PLEKHM1: variants seen among roughly 807,000 people sequenced by gnomAD.
PLEKHM1 encodes pleckstrin homology domain-containing family M member 1.
In PLEKHM1, 28 loss-of-function variants were observed where a neutral mutation model predicts 94.3. The ratio of observed to expected loss-of-function variants is 0.30; its 90% CI spans 0.22 to 0.41. PLEKHM1 has a LOEUF of 0.41. Among genes scored for constraint, PLEKHM1 ranks in the 10% least tolerant of loss-of-function variants. PLEKHM1 has a pLI of 1.00. For missense variants in PLEKHM1, 907 were observed against 1,358.6 expected (o/e 0.67, Z 5.22); for synonymous variants, 424 against 581.2 (o/e 0.73, Z 3.89).
At chr17:45,462,675 C>T (rs1047242799) in intron 5 of PLEKHM1, among the ~76,000 whole-genome samples, 1 of 152,100 alleles carries the variant, frequency 6.6e-6, no homozygotes, top group Non-Finnish European at 1.5e-5. Flanking sequence ...AGTGCCTGCC[C>T]GAGTCATACA....
chr17:45,481,885 GC>G (rs1171421818), intron 2 of PLEKHM1, among the ~76,000 whole-genome samples: 1 of 152,156 alleles, frequency 6.6e-6, no homozygotes, highest in African/African-American at 2.4e-5. Context: ...TAAGGGACCA[GC>G]CCCAAAGCTA....
chr17:45,458,148 G>A (rs771326392), intron 6 of PLEKHM1, 21 bp downstream of exon 6: 24 of 1,610,774 alleles, frequency 1.5e-5, no homozygotes, highest in East Asian at 6.7e-5. Flanking sequence ...GGACCCACCC[G>A]GGACCCTCCT....
chr17:45,482,633 C>G lies in PLEKHM1; in HGVS notation c.-41-108G>C, dbSNP rs142800703. The G allele has an allele frequency of 2.6e-3, 1,850 of 710,442 alleles. 5 individuals are homozygous for G. Among genetic ancestry groups the G allele is most frequent in the Non-Finnish European group, 3.3e-3 (1,281 of 384,754 alleles). 44.0% of individuals were successfully genotyped at this position (710,442 alleles called of 1,614,324 possible). ...CAGCCTCTCTTACTCAAACTGCAAC[C>G]AAAAAGGCCTTTGCAGAACACAAAA... is the stretch of plus-strand genomic sequence containing the variant. On this transcript the variant is annotated intron_variant, in intron 1 of 11. Transcript: ENST00000430334.
chr17:45,464,778 C>G (rs2051268994), intron 5 of PLEKHM1, among the ~76,000 whole-genome samples: 2 of 152,234 alleles, frequency 1.3e-5, no homozygotes, highest in African/African-American at 2.4e-5. Flanking sequence ...ACCAACCTGA[C>G]CACCCTGTCC....
intron 8 of PLEKHM1, among the ~76,000 whole-genome samples, chr17:45,447,130 G>A (rs145154484): frequency 2.6e-5 from 4 of 152,366 alleles, no homozygotes; most frequent in Non-Finnish European, 5.9e-5. Flanking sequence ...ATCAGCTGCT[G>A]TGTGAGTGCC....
chr17:45,441,911 G>C (rs1192206473), intron 9 of PLEKHM1, among the ~76,000 whole-genome samples: 1 of 152,160 alleles, frequency 6.6e-6, no homozygotes, highest in Admixed American at 6.5e-5. Flanking sequence ...GGGAAAGGTC[G>C]AATCTTAGTT....
intron 11 of PLEKHM1, among the ~76,000 whole-genome samples, chr17:45,438,707 C>T (rs2050347239): frequency 6.6e-6 from 1 of 152,092 alleles, no homozygotes; most frequent in Admixed American, 6.5e-5. Flanking sequence ...CAGGTGCCCA[C>T]CACCACACCT....
intron 9 of PLEKHM1, chr17:45,440,480 G>A: frequency 1.7e-6 from 1 of 599,874 alleles, no homozygotes; most frequent in Non-Finnish European, 3.0e-6. Context: ...AAATGGAGTT[G>A]TCTGGATTAA....
rs898595293 is a variant in PLEKHM1, at chr17:45,440,193, C to A, written c.2871G>T (p.Pro957=). 1 of 1,614,158 alleles carries A rather than the reference C, an allele frequency of 6.2e-7. No homozygotes were observed. The highest frequency in any genetic ancestry group is 8.5e-7 in the Non-Finnish European group (1 of 1,179,994). ...GGAGGTCAGCAACACTGAACCTATG[C>A]GGAGATTCCAAGAGATAATTCCTGT... is the stretch of plus-strand genomic sequence containing the variant. ...LNHRNYLLES[P]HRFSVADLQQ... The change falls in exon 10 of 12, where the codon CCG becomes CCT. Residue 957 remains proline (P), a synonymous_variant. Transcript: ENST00000430334.
At chr17:45,476,053 A>G in intron 3 of PLEKHM1, 1 of 385,364 alleles carries the variant, frequency 2.6e-6, no homozygotes, top group Admixed American at 3.9e-5. Context: ...CGGGAGGTTG[A>G]GGTGGAAGGA....
chr17:45,484,342 A>G (rs1439615438), intron 1 of PLEKHM1, among the ~76,000 whole-genome samples: 19 of 152,114 alleles, frequency 1.2e-4, no homozygotes, highest in Admixed American at 1.2e-3. Flanking sequence ...TTTACCATCT[A>G]TTCTCTTGAA....
Position 45,445,411 on chromosome 17 carries a change from G to A in PLEKHM1, c.2837+59C>T. 2 of 1,012,880 alleles carry A rather than the reference G, an allele frequency of 2.0e-6. No homozygotes were observed. The highest frequency in any genetic ancestry group is 3.0e-6 in the Non-Finnish European group (2 of 666,372). The allele number at this position is 1,012,880 out of a possible 1,614,324, so 62.7% of individuals were successfully genotyped here. ...TACATGTGCATATAAGTATGTGTTT[G>A]TGTGCATGCATGTGCGTGTGTACGT... is the stretch of plus-strand genomic sequence containing the variant. On this transcript the variant is annotated intron_variant, in intron 9 of 11. Coordinates refer to ENST00000430334, the MANE Select transcript of PLEKHM1 (RefSeq NM_014798.3). The surrounding 1 kb of genome is among the most constrained non-coding windows in gnomAD (Gnocchi z 4.2).
Position 45,487,974 on chromosome 17 carries a change from G to A in PLEKHM1, c.-42+2678C>T, listed in dbSNP as rs529411408. The A allele has an allele frequency of 9.6e-4, 339 of 354,592 alleles. 5 individuals carry two copies. Among genetic ancestry groups the A allele is most frequent in the South Asian group, 7.0e-3 (328 of 47,172 alleles). The allele number at this position is 354,592 out of a possible 1,614,324, so 22.0% of individuals were successfully genotyped here. ...CAAAGTTATCCTCTGATTCAGAAAG[G>A]CAGCTGATCTTTCAGGCATGTGAGT... is the stretch of plus-strand genomic sequence containing the variant. On this transcript the variant is annotated intron_variant, in intron 1 of 11. Coordinates refer to ENST00000430334, the MANE Select transcript of PLEKHM1 (RefSeq NM_014798.3).
At chr17:45,458,145 C>G in intron 6 of PLEKHM1, 24 bp downstream of exon 6, 1 of 1,609,918 alleles carries the variant, frequency 6.2e-7, no homozygotes, top group African/African-American at 1.3e-5. Flanking sequence ...ATGGGACCCA[C>G]CCGGGACCCT....
Position 45,490,715 on chromosome 17 carries a change from C to A in PLEKHM1, c.-105G>T, listed in dbSNP as rs1232281887. The A allele has an allele frequency of 2.7e-5, 12 of 451,074 alleles. 1 individual carries two copies. Among genetic ancestry groups the A allele is most frequent in the South Asian group, 1.9e-4 (12 of 63,984 alleles). 27.9% of individuals were successfully genotyped at this position (451,074 alleles called of 1,614,324 possible). A position where few individuals can be genotyped will look rare whatever the true frequency, so the allele number is the denominator to read the frequency against. ...CGCGGCAGCCCCTCAGCCTCCGAGC[C>A]GACGATGCGGTCTCTCGGCCACTGA... On this transcript the variant is annotated 5_prime_UTR_variant, in exon 1 of 12. Transcript: ENST00000430334.
intron 3 of PLEKHM1, among the ~76,000 whole-genome samples, chr17:45,476,813 C>T (rs905786518): frequency 2.6e-5 from 4 of 152,194 alleles, no homozygotes; most frequent in East Asian, 1.9e-4. Flanking sequence ...CAGTCCCTAG[C>T]GCAGGTTTAT....
At position 45,487,744 on chromosome 17, in the gene PLEKHM1, G is replaced by C. The variant is rs140167395; in HGVS notation, c.-42+2908C>G. On this transcript the variant is annotated intron_variant, in intron 1 of 11. Coordinates refer to ENST00000430334, the MANE Select transcript of PLEKHM1 (RefSeq NM_014798.3). ...GAGACTTACGTTAAAAGAAGAAAGG[G>C]ATAACCTGGTTCCACCACTCTCAAA... 1,857 of 456,056 alleles carry C rather than the reference G, an allele frequency of 4.1e-3. 36 individuals carry two copies. The highest frequency in any genetic ancestry group is 0.035 in the African/African-American group (1,753 of 50,180). The allele number at this position is 456,056 out of a possible 1,614,324, so 28.3% of individuals were successfully genotyped here. A position where few individuals can be genotyped will look rare whatever the true frequency, so the allele number is the denominator to read the frequency against.
chr17:45,441,282 G>A (rs2050438488), intron 9 of PLEKHM1, among the ~76,000 whole-genome samples: 2 of 152,196 alleles, frequency 1.3e-5, no homozygotes, highest in Non-Finnish European at 2.9e-5. Context: ...GCAAACTGTG[G>A]AGCATCTGGA....
rs755942386 is a variant in PLEKHM1, at chr17:45,436,091, A to G, written c.*1767T>C. The G allele has an allele frequency of 9.0e-5, 41 of 456,448 alleles. No individual in the cohort carries two copies. The Middle Eastern group carries it at 9.7e-4, about 11-fold the overall frequency. The allele number at this position is 456,448 out of a possible 1,614,324, so 28.3% of individuals were successfully genotyped here. A position where few individuals can be genotyped will look rare whatever the true frequency, so the allele number is the denominator to read the frequency against. On this transcript the variant is annotated 3_prime_UTR_variant, in exon 12 of 12. Transcript: ENST00000430334. ...GAGGGGAGGCGGGAAGAGTCAATGC[A>G]TCTGAAAGCACTGGCAGCTTCTGGG...
Sources: allele counts gnomAD v4.1 joint callset (sites outside exome capture counted in the v4.1 genomes callset), GRCh38; gene constraint gnomAD v4.1.1; non-coding constraint Gnocchi (gnomAD v3.1); transcripts MANE v1.5; gene names NCBI Gene and HGNC (gene_info 2026-07-23, HGNC 2026-07-21).